The following MDFIC variants were observed in gnomAD, a reference collection of about 807,000 sequenced individuals.
MDFIC encodes MyoD family inhibitor domain containing, also known as myoD family inhibitor domain-containing protein.
Under a neutral mutation model 23.2 loss-of-function variants are expected in MDFIC, and 17 were observed. The ratio of observed to expected loss-of-function variants is 0.73; its 90% CI spans 0.50 to 1.10. The LOEUF (loss-of-function observed/expected upper bound fraction) is 1.10, where lower values mean the gene tolerates loss of function less well. Among genes scored for constraint, MDFIC ranks in the 50% least tolerant of loss-of-function variants. The pLI is 0.00. For synonymous variants in MDFIC, 120 were observed against 115.2 expected (o/e 1.04, Z -0.27); for missense variants, 356 against 316.6 (o/e 1.12, Z -0.95).
intron 3 of MDFIC, among the ~76,000 whole-genome samples, chr7:114,970,961 A>G (rs889098316): frequency 3.9e-5 from 6 of 152,160 alleles, no homozygotes; most frequent in Non-Finnish European, 5.9e-5. Flanking sequence ...ATGTGTCTCT[A>G]CAGAGGAGAG....
chr7:114,927,951 A>G (rs573771056), intron 2 of MDFIC, among the ~76,000 whole-genome samples: 1 of 148,794 alleles, frequency 6.7e-6, no homozygotes, highest in Non-Finnish European at 1.5e-5. Context: ...GGTTTAAAAC[A>G]CTTTTTGAAT....
intron 3 of MDFIC, among the ~76,000 whole-genome samples, chr7:114,953,758 G>A (rs1792827289): frequency 6.6e-6 from 1 of 151,940 alleles, no homozygotes; most frequent in Admixed American, 6.6e-5. Context: ...AAAATGGCAT[G>A]GTATTTGCAT....
chr7:114,956,375 A>G (rs1233767239), intron 3 of MDFIC, among the ~76,000 whole-genome samples: 1 of 151,746 alleles, frequency 6.6e-6, no homozygotes, highest in African/African-American at 2.4e-5. Context: ...ATATATACAC[A>G]CACACATATA....
At chr7:114,939,097 C>T (rs1465614338) in intron 2 of MDFIC, among the ~76,000 whole-genome samples, 1 of 152,070 alleles carries the variant, frequency 6.6e-6, no homozygotes, top group Non-Finnish European at 1.5e-5. Flanking sequence ...ATGTAACTGC[C>T]CACCATTTAT....
intron 3 of MDFIC, among the ~76,000 whole-genome samples, chr7:114,947,370 A>G (rs4727808): frequency 0.81 from 123,410 of 152,126 alleles, 51,909 homozygotes; most frequent in Non-Finnish European, 0.92. Flanking sequence ...ATGTGACTGT[A>G]GTACACATGC....
At chr7:114,969,517 C>T (rs1338545657) in intron 3 of MDFIC, among the ~76,000 whole-genome samples, 2 of 152,084 alleles carry the variant, frequency 1.3e-5, no homozygotes, top group Admixed American at 1.3e-4. Context: ...CAGCAAATGC[C>T]CAGTATTGTC....
intron 3 of MDFIC, among the ~76,000 whole-genome samples, chr7:114,956,638 A>G (rs1792890375): frequency 6.6e-6 from 1 of 152,082 alleles, no homozygotes; most frequent in African/African-American, 2.4e-5. Context: ...TTTGTGTGAA[A>G]TAATGGTTCT....
chr7:114,960,724 C>T (rs1792973989), intron 3 of MDFIC, among the ~76,000 whole-genome samples: 1 of 152,014 alleles, frequency 6.6e-6, no homozygotes, highest in African/African-American at 2.4e-5. Flanking sequence ...GGAAATAAAA[C>T]ATATTTTGTT....
chr7:115,000,889 G>A (rs931371048), intron 4 of MDFIC, among the ~76,000 whole-genome samples: 9 of 152,204 alleles, frequency 5.9e-5, no homozygotes, highest in African/African-American at 1.9e-4. Context: ...GAAGTGCTTC[G>A]AAGTCAACAA....
chr7:114,946,940 T>C (rs550024612), intron 3 of MDFIC, among the ~76,000 whole-genome samples: 1 of 152,336 alleles, frequency 6.6e-6, no homozygotes, highest in South Asian at 2.1e-4. Context: ...GAATGCCTCC[T>C]TTATGTAAAA....
At chr7:114,938,208 G>A (rs1585094375) in intron 2 of MDFIC, among the ~76,000 whole-genome samples, 2 of 151,968 alleles carry the variant, frequency 1.3e-5, no homozygotes, top group Admixed American at 6.6e-5. Flanking sequence ...CACCCACCTC[G>A]GCCTTCCCAA....
At chr7:114,994,100 A>G (rs1483547828) in intron 4 of MDFIC, among the ~76,000 whole-genome samples, 1 of 152,046 alleles carries the variant, frequency 6.6e-6, no homozygotes, top group Admixed American at 6.6e-5. Flanking sequence ...TTACCATTAT[A>G]TAATGGCCTT....
At chr7:114,952,053 T>C (rs1459662842) in intron 3 of MDFIC, among the ~76,000 whole-genome samples, 1 of 152,220 alleles carries the variant, frequency 6.6e-6, no homozygotes, top group Non-Finnish European at 1.5e-5. Flanking sequence ...GCTGCAAGCA[T>C]TGAAGGAGTG....
At chr7:115,008,569 C>T (rs1167800922) in intron 4 of MDFIC, among the ~76,000 whole-genome samples, 1 of 152,118 alleles carries the variant, frequency 6.6e-6, no homozygotes, top group Non-Finnish European at 1.5e-5. Context: ...TTTATTCAGG[C>T]AGCAGGTCAG....
intron 3 of MDFIC, among the ~76,000 whole-genome samples, chr7:114,970,336 C>T (rs1793182862): frequency 2.0e-5 from 3 of 152,126 alleles, no homozygotes; most frequent in Admixed American, 1.3e-4. Context: ...ATTTGCTAGG[C>T]TGGGGATGTT....
chr7:114,982,281 G>A (rs1793430565), intron 4 of MDFIC, among the ~76,000 whole-genome samples: 1 of 152,190 alleles, frequency 6.6e-6, no homozygotes. Flanking sequence ...TGAATAGGCA[G>A]CATGATTTAT....
intron 4 of MDFIC, among the ~76,000 whole-genome samples, chr7:115,003,703 G>A (rs1236918488): frequency 6.6e-6 from 1 of 152,070 alleles, no homozygotes; most frequent in Non-Finnish European, 1.5e-5. Flanking sequence ...CTGTCTGCTT[G>A]CCTCTGTGTC....
chr7:114,933,653 A>G (rs768207642), intron 2 of MDFIC, among the ~76,000 whole-genome samples: 5 of 152,176 alleles, frequency 3.3e-5, no homozygotes, highest in African/African-American at 7.2e-5. Context: ...AACCTCTTTC[A>G]TGATAGTTTT....
At chr7:114,922,788 T>C in intron 1 of MDFIC, 139 bp from the exon 2 acceptor site, 4 of 1,304,510 alleles carry the variant, frequency 3.1e-6, no homozygotes, top group Non-Finnish European at 4.1e-6. Flanking sequence ...GTAACAGTTT[T>C]CTTCGCAAGT....
Sources: allele counts gnomAD v4.1 joint callset (sites outside exome capture counted in the v4.1 genomes callset), GRCh38; gene constraint gnomAD v4.1.1; transcripts MANE v1.5; gene names NCBI Gene and HGNC (gene_info 2026-07-23, HGNC 2026-07-21).